GPR161: variants seen among roughly 807,000 people sequenced by gnomAD.
GPR161 encodes G-protein coupled receptor RE2.
A neutral mutation model predicts 39.2 loss-of-function variants in GPR161; 25 were observed. The ratio of observed to expected loss-of-function variants is 0.64; its 90% confidence interval spans 0.47 to 0.89. GPR161 has a LOEUF of 0.89. Among genes scored for constraint, GPR161 ranks in the 40% least tolerant of loss-of-function variants. The probability of loss-of-function intolerance (pLI) is 0.00; values close to 1 mark genes in which losing one functional copy is unlikely to be tolerated. For missense variants in GPR161, 547 were observed against 677.8 expected (o/e 0.81, Z 2.14); for synonymous variants, 286 against 276.6 (o/e 1.03, Z -0.34).
At chr1:168,136,360 T>A (rs938768285) in intron 1 of GPR161, 10 of 1,469,178 alleles carry the variant, frequency 6.8e-6, no homozygotes, top group Non-Finnish European at 8.1e-6. Context: ...GCGGCCCGCA[T>A]CGGCAGAGTC....
chr1:168,108,909 C>T lies in GPR161; in HGVS notation c.-44-4015G>A, dbSNP rs1485299578. ...TAAATGCTTTTGTTTGAACTATAAC[C>T]ACGCTTATGTTGGGAACCAAGTATT... On this transcript the variant is annotated intron_variant, in intron 1 of 5. Transcript: ENST00000682931. Among the ~76,000 whole-genome samples, 3 of 152,134 alleles carry T rather than the reference C, an allele frequency of 2.0e-5. No homozygotes were observed. The South Asian group carries it at 6.2e-4, about 32-fold the overall frequency.
rs549211053 is a variant in GPR161, at chr1:168,101,120, T to C, written c.374+3357A>G. Among the ~76,000 whole-genome samples the C allele has an allele frequency of 3.7e-4, 56 of 152,008 alleles. No individual in the cohort carries two copies. The East Asian group carries it at 0.011, about 29-fold the overall frequency. ...GTCCAGCCAGTTTCTTTTTTTTTTT[T>C]TCTTTTTTAAATTTTATTTTTATTA... is the stretch of plus-strand genomic sequence containing the variant. On this transcript the variant is annotated intron_variant, in intron 2 of 5. Coordinates refer to ENST00000682931, the MANE Select transcript of GPR161 (RefSeq NM_001375883.1).
chr1:168,137,164 C>T, upstream of GPR161: 1 of 1,330,614 alleles, frequency 7.5e-7, no homozygotes, highest in Non-Finnish European at 9.7e-7. Context: ...CTCGCCCTTA[C>T]CCTCTCGGCT....
intron 2 of GPR161, among the ~76,000 whole-genome samples, chr1:168,099,826 GTT>G (rs145646926): frequency 1.0e-5 from 1 of 96,936 alleles, no homozygotes; most frequent in African/African-American, 4.3e-5. Flanking sequence ...TTGTTTTTAA[GTT>G]TTTTTTTTGG....
chr1:168,093,954 C>T (rs1369744199), intron 3 of GPR161, among the ~76,000 whole-genome samples: 1 of 146,996 alleles, frequency 6.8e-6, no homozygotes, highest in Non-Finnish European at 1.5e-5. Flanking sequence ...CCCACCCCAG[C>T]TCCCATTCCT....
intron 1 of GPR161, among the ~76,000 whole-genome samples, chr1:168,112,765 G>C (rs1697323380): frequency 6.6e-6 from 1 of 152,106 alleles, no homozygotes; most frequent in East Asian, 1.9e-4. Context: ...GCTGAGGCAG[G>C]AGAATCACTG....
chr1:168,107,173 A>G (rs1214576055), intron 1 of GPR161, among the ~76,000 whole-genome samples: 1 of 152,218 alleles, frequency 6.6e-6, no homozygotes, highest in African/African-American at 2.4e-5. Flanking sequence ...TATATCACAG[A>G]TAAAAAGCTA....
intron 1 of GPR161, among the ~76,000 whole-genome samples, chr1:168,128,492 C>T (rs1341229805): frequency 6.6e-6 from 1 of 152,184 alleles, no homozygotes; most frequent in Non-Finnish European, 1.5e-5. Flanking sequence ...GTTGAGAAAA[C>T]CTGCTCTACA....
chr1:168,095,087 C>T lies in GPR161; in HGVS notation c.1099+1421G>A, dbSNP rs1232795808. Among the ~76,000 whole-genome samples, 7 of 152,254 alleles carry T rather than the reference C, an allele frequency of 4.6e-5. No homozygotes were observed. In the East Asian group the frequency reaches 1.4e-3, roughly 29 times the overall value. ...TGATGTACAGGAAGGGCACATCGCC[C>T]CTGTGGCATTTTTGCCAAAAATGGA... On this transcript the variant is annotated intron_variant, in intron 3 of 5. Coordinates refer to ENST00000682931, the MANE Select transcript of GPR161 (RefSeq NM_001375883.1).
rs757708479 is a variant in GPR161, at chr1:168,096,704, G to A, written c.903C>T (p.Val301=). The A allele has an allele frequency of 6.2e-7, 1 of 1,614,100 alleles. No individual in the cohort carries two copies. Among genetic ancestry groups the A allele is most frequent in the Non-Finnish European group, 8.5e-7 (1 of 1,180,004 alleles). ...ASEALWGKSS[V]SPSLETWATW... ...TGGCCCAAGTCTCCAGGCTCGGGGA[G>A]ACGGAGCTTTTCCCCCAGAGGGCCT... Residue 301 remains valine, a synonymous_variant, in exon 3 of 6, where the codon GTC becomes GTT. Transcript: ENST00000682931.
At chr1:168,109,164 T>A (rs1401217759) in intron 1 of GPR161, among the ~76,000 whole-genome samples, 1 of 152,238 alleles carries the variant, frequency 6.6e-6, no homozygotes, top group East Asian at 1.9e-4. Flanking sequence ...AATGACTTTA[T>A]CCAAGCAAAG....
At chr1:168,133,744 C>T (rs1389561016) in intron 1 of GPR161, 3 of 164,228 alleles carry the variant, frequency 1.8e-5, no homozygotes, top group Non-Finnish European at 3.8e-5. Context: ...TACAGGTGTG[C>T]GCCACCATGC....
chr1:168,136,667 A>G (rs1463524141), intron 1 of GPR161, 72 bp downstream of exon 1: 1 of 1,174,554 alleles, frequency 8.5e-7, no homozygotes. Flanking sequence ...TCGCACAATG[A>G]GTTTAGCCTG....
intron 2 of GPR161, among the ~76,000 whole-genome samples, chr1:168,100,577 C>A (rs1230400336): frequency 6.6e-6 from 1 of 152,184 alleles, no homozygotes; most frequent in Non-Finnish European, 1.5e-5. Flanking sequence ...GCTTCCGATG[C>A]TTCAGGCTCC....
rs1223431867 is a variant in GPR161 at position 168,084,971 on chromosome 1, G to C, written c.*560C>G. The C allele has an allele frequency of 8.8e-6, 4 of 456,164 alleles. No individual in the cohort carries two copies. The highest frequency in any genetic ancestry group is 3.2e-4 in the Middle Eastern group (1 of 3,098). The allele number at this position is 456,164 out of a possible 1,614,324, so 28.3% of individuals were successfully genotyped here. On this transcript the variant is annotated 3_prime_UTR_variant, in exon 6 of 6. Coordinates refer to ENST00000682931, the MANE Select transcript of GPR161 (RefSeq NM_001375883.1). ...ACCGCTCCGAAGCGCTCTGCTCCTG[G>C]GTGCTTTCTCTGCGGACCAGTCCTA...
chr1:168,129,574 G>T (rs1698837974), intron 1 of GPR161, among the ~76,000 whole-genome samples: 1 of 152,186 alleles, frequency 6.6e-6, no homozygotes, highest in Non-Finnish European at 1.5e-5. Context: ...AGAGACAAAG[G>T]CTTGGACCAG....
At chr1:168,101,105 T>C (rs1270746403) in intron 2 of GPR161, among the ~76,000 whole-genome samples, 1 of 120,316 alleles carries the variant, frequency 8.3e-6, no homozygotes, top group Non-Finnish European at 1.7e-5. Flanking sequence ...GTCCAGCCAG[T>C]TTCTTTTTTT....
At position 168,085,287 on chromosome 1, in the gene GPR161, GCTTCTGGTCCCATCA is replaced by G. The variant is rs1398227865; in HGVS notation, c.*229_*243del. 1 of 565,848 alleles carries G rather than the reference GCTTCTGGTCCCATCA, an allele frequency of 1.8e-6. No individual in the cohort carries two copies. Among genetic ancestry groups the G allele is most frequent in the African/African-American group, 1.9e-5 (1 of 52,400 alleles). 35.1% of individuals were successfully genotyped at this position (565,848 alleles called of 1,614,324 possible). On this transcript the variant is annotated 3_prime_UTR_variant, in exon 6 of 6. Transcript: ENST00000682931. Reference sequence around the variant, plus strand: ...TTTTGGTTTTTTTTTTGCTTTAGATGCTTCTGGTCCCATCACTGGGACCTAAAAGAAGCTCACATG... The same window carrying G: ...TTTTGGTTTTTTTTTTGCTTTAGATGCTGGGACCTAAAAGAAGCTCACATG...
intron 3 of GPR161, among the ~76,000 whole-genome samples, chr1:168,092,670 T>C (rs998886878): frequency 2.0e-5 from 3 of 152,126 alleles, no homozygotes; most frequent in Non-Finnish European, 4.4e-5. Context: ...GATTCTGAGA[T>C]AAATTTGCAG....
Sources: gnomAD v4.1 joint callset for allele counts (sites outside exome capture counted in the v4.1 genomes callset) on GRCh38, gnomAD v4.1.1 for gene constraint, MANE v1.5 for transcripts, NCBI Gene and HGNC (gene_info 2026-07-23, HGNC 2026-07-21) for gene names.